The following MPP1 variants were observed in gnomAD, a reference collection of about 807,000 sequenced individuals.
The protein encoded by MPP1 is MAGUK p55 scaffold protein 1.
Under a neutral mutation model 38.2 loss-of-function variants are expected in MPP1, and 6 were observed. The ratio of observed to expected loss-of-function variants is 0.16; its 90% CI spans 0.09 to 0.31. The LOEUF is 0.31. MPP1 is among the 10% of genes least tolerant of loss of function. The pLI, the probability that MPP1 is intolerant of heterozygous loss-of-function variation, is 1.00. For missense variants in MPP1, 293 were observed against 368.9 expected, an observed-to-expected ratio of 0.79 and a Z score of 1.69; for synonymous variants, 153 against 146.3, an observed-to-expected ratio of 1.05 and a Z score of -0.33.
intron 1 of MPP1, among the ~76,000 whole-genome samples, chrX:154,800,634 A>C (rs782491272): frequency 1.8e-5 from 2 of 112,756 alleles, no homozygotes; most frequent in South Asian, 7.2e-4. Flanking sequence ...TCGTTAAATC[A>C]AATGCTCATC....
chrX:154,779,505 T>C (rs1451607696), intron 11 of MPP1, 152 bp from the exon 12 acceptor site: 1 of 531,272 alleles, frequency 1.9e-6, no homozygotes, highest in East Asian at 3.7e-5. Context: ...AGAATGTTAA[T>C]GTAGGGCATG....
chrX:154,805,478 G>T lies in MPP1; in HGVS notation c.-105C>A. The T allele has an allele frequency of 1.2e-6, 1 of 811,729 alleles. No homozygotes were observed. Among genetic ancestry groups the T allele is most frequent in the Middle Eastern group, 4.1e-4 (1 of 2,455 alleles). 66.9% of individuals were successfully genotyped at this position (811,729 alleles called of 1,213,427 possible). A position where few individuals can be genotyped will look rare whatever the true frequency, so the allele number is the denominator to read the frequency against. On this transcript the variant is annotated 5_prime_UTR_variant, in exon 1 of 12. Transcript: ENST00000369534. The stretch of plus-strand genomic sequence containing the variant: ...GAAGGCGGGAGACGCGGTGCGGCTG[G>T]GCCAGTCACCGCCCCGCAGGCGGTG...
chrX:154,786,083 A>C, intron 6 of MPP1, 121 bp downstream of exon 6: 8 of 647,642 alleles, frequency 1.2e-5, no homozygotes, highest in Non-Finnish European at 1.6e-5. Flanking sequence ...CCATTATGCC[A>C]GGAAATCTAG....
intron 8 of MPP1, chrX:154,783,808 T>C: frequency 2.3e-6 from 1 of 437,854 alleles, no homozygotes; most frequent in African/African-American, 2.4e-5. Flanking sequence ...AAATAATTCG[T>C]TGCTAAATAG....
At chrX:154,786,524 G>C in intron 5 of MPP1, 124 bp from the exon 6 acceptor site, 1 of 606,360 alleles carries the variant, frequency 1.6e-6, no homozygotes, top group Non-Finnish European at 2.6e-6. Context: ...AGAATGGTGG[G>C]GGAGCACCCA....
intron 1 of MPP1, among the ~76,000 whole-genome samples, chrX:154,793,419 G>C (rs782253348): frequency 8.9e-6 from 1 of 112,474 alleles, no homozygotes; most frequent in Non-Finnish European, 1.9e-5. Context: ...AACAAATCCT[G>C]AACTTGAGCC....
intron 8 of MPP1, 48 bp downstream of exon 8, chrX:154,783,980 G>T: frequency 8.9e-7 from 1 of 1,124,015 alleles, no homozygotes; most frequent in Non-Finnish European, 1.2e-6. Flanking sequence ...CGTGATGCAG[G>T]CAGGAAAACA....
chrX:154,796,742 T>G (rs1557268185), intron 1 of MPP1, among the ~76,000 whole-genome samples: 1 of 112,156 alleles, frequency 8.9e-6, no homozygotes, highest in African/African-American at 3.2e-5. Flanking sequence ...AATATTAAGG[T>G]ACACATGTCC....
At chrX:154,783,906 C>T (rs1557266916) in intron 8 of MPP1, 122 bp downstream of exon 8, 2 of 601,509 alleles carry the variant, frequency 3.3e-6, no homozygotes, top group African/African-American at 4.5e-5. Flanking sequence ...TACACCTGCT[C>T]TATATGGAGA....
In MPP1 at chrX:154,781,696, A is replaced by T; in HGVS notation, c.1053T>A (p.Phe351Leu). The T allele has an allele frequency of 5.0e-6, 6 of 1,211,798 alleles. No individual in the cohort carries two copies. The highest frequency in any genetic ancestry group is 5.6e-6 in the Non-Finnish European group (5 of 895,499). The change falls in exon 10 of 12, where the codon TTT (phenylalanine) becomes TTA (leucine). Residue 351 changes from phenylalanine (F) to leucine (L), a missense_variant. Transcript: ENST00000369534. The stretch of plus-strand genomic sequence containing the variant: ...CAAACATGTTGCCTTGGTAGCTGCC[A>T]AACTCCAAGAACTCATTGGCAGAGA... ...RNISANEFLE[F>L]GSYQGNMFGT... is the part of the protein sequence containing the mutation.
chrX:154,781,157 C>G, intron 11 of MPP1, 82 bp downstream of exon 11: 1 of 892,891 alleles, frequency 1.1e-6, no homozygotes, highest in Non-Finnish European at 1.6e-6. Flanking sequence ...AGCCAGCACT[C>G]TGGCCAATGA....
intron 1 of MPP1, among the ~76,000 whole-genome samples, chrX:154,793,407 T>C (rs781961934): frequency 5.3e-5 from 6 of 112,437 alleles, no homozygotes; most frequent in Non-Finnish European, 9.4e-5. Context: ...AAAAGAACCA[T>C]AAACAAATCC....
intron 1 of MPP1, among the ~76,000 whole-genome samples, chrX:154,802,765 C>T (rs2072281324): frequency 8.9e-6 from 1 of 112,133 alleles, no homozygotes; most frequent in African/African-American, 3.2e-5. Flanking sequence ...TGCAAAATTA[C>T]CTTTAGACAA....
intron 11 of MPP1, 57 bp downstream of exon 11, chrX:154,781,182 C>T: frequency 9.7e-7 from 1 of 1,030,332 alleles, no homozygotes. Flanking sequence ...GACTGAGGTC[C>T]CAGTATGGGC....
In MPP1 at chrX:154,784,215, G is replaced by A. The variant is rs41299132; in HGVS notation, c.785-107C>T. On this transcript the variant is annotated intron_variant, in intron 7 of 11. Transcript: ENST00000369534. ...TCGCGACATCTCAACAAGCAGGGAG[G>A]AAGTGACTAGAGATGAGACGAGGGA... 3.5e-3 allele frequency: 2,116 copies of A among 602,473 alleles called. 4 individuals carry two copies. Among genetic ancestry groups the A allele is most frequent in the Non-Finnish European group, 5.2e-3 (1,895 of 365,780 alleles). 49.7% of individuals were successfully genotyped at this position (602,473 alleles called of 1,213,427 possible). A position where few individuals can be genotyped will look rare whatever the true frequency, so the allele number is the denominator to read the frequency against.
intron 11 of MPP1, among the ~76,000 whole-genome samples, chrX:154,780,924 C>T (rs180902057): frequency 3.6e-5 from 4 of 112,081 alleles, no homozygotes; most frequent in Non-Finnish European, 5.6e-5. Flanking sequence ...TCACAGCTTC[C>T]CCTGCCAGAG....
intron 7 of MPP1, 68 bp downstream of exon 7, chrX:154,784,983 G>A: frequency 9.9e-7 from 1 of 1,014,589 alleles, no homozygotes; most frequent in East Asian, 3.1e-5. Flanking sequence ...CTTTTCTGCT[G>A]GTTACAGAGA....
chrX:154,787,829 G>T (rs1178734568), intron 5 of MPP1, among the ~76,000 whole-genome samples: 1 of 112,405 alleles, frequency 8.9e-6, no homozygotes, highest in Non-Finnish European at 1.9e-5. Context: ...CACTTCCACT[G>T]GGATACTGTG....
At chrX:154,786,933 GAT>G (rs1557267268) in intron 5 of MPP1, among the ~76,000 whole-genome samples, 1 of 101,690 alleles carries the variant, frequency 9.8e-6, no homozygotes, top group Admixed American at 1.1e-4. Context: ...GAAGGCATGA[GAT>G]ATCTTTCCAC....
Sources: gnomAD v4.1 joint callset for allele counts (sites outside exome capture counted in the v4.1 genomes callset) on GRCh38, gnomAD v4.1.1 for gene constraint, MANE v1.5 for transcripts, NCBI Gene and HGNC (gene_info 2026-07-23, HGNC 2026-07-21) for gene names.